The following MAML3 variants were observed in gnomAD, a reference collection of about 807,000 sequenced individuals.
MAML3 encodes mastermind like transcriptional coactivator 3.
MAML3 carries 27 observed loss-of-function variants against 101.9 expected under a neutral mutation model. That is an observed-to-expected ratio of 0.27 (90% CI 0.20 to 0.37). The LOEUF (loss-of-function observed/expected upper bound fraction) is 0.37, where lower values mean the gene tolerates loss of function less well. MAML3 is among the 10% of genes least tolerant of loss of function. The pLI is 1.00. For synonymous variants in MAML3, 501 were observed against 555.9 expected, an observed-to-expected ratio of 0.90 and a Z score of 1.39; for missense variants, 1,316 against 1,444.9, an observed-to-expected ratio of 0.91 and a Z score of 1.45.
chr4:139,944,481 C>A (rs1039595483), intron 1 of MAML3, among the ~76,000 whole-genome samples: 6 of 152,116 alleles, frequency 3.9e-5, no homozygotes, highest in African/African-American at 1.4e-4. Flanking sequence ...TTTCCAATTT[C>A]ATCCATGTCC....
At chr4:139,878,949 A>G (rs1190110971) in intron 2 of MAML3, among the ~76,000 whole-genome samples, 2 of 152,206 alleles carry the variant, frequency 1.3e-5, no homozygotes, top group African/African-American at 2.4e-5. Flanking sequence ...CTGTGCCCTT[A>G]AATCCTGAGA....
intron 2 of MAML3, among the ~76,000 whole-genome samples, chr4:139,752,148 T>C (rs1729522106): frequency 6.6e-6 from 1 of 152,188 alleles, no homozygotes; most frequent in Admixed American, 6.5e-5. Flanking sequence ...CTGTAGGTTC[T>C]CCCTAATAAT....
At chr4:139,758,904 C>T (rs1729703038) in intron 2 of MAML3, among the ~76,000 whole-genome samples, 1 of 152,196 alleles carries the variant, frequency 6.6e-6, no homozygotes, top group South Asian at 2.1e-4. Flanking sequence ...AACCACTGAG[C>T]TGGAAGGGAC....
At chr4:139,966,742 AT>A (rs149754726) in intron 1 of MAML3, among the ~76,000 whole-genome samples, 1 of 152,058 alleles carries the variant, frequency 6.6e-6, no homozygotes, top group Non-Finnish European at 1.5e-5. Context: ...ATTTTAACAA[AT>A]TTTTTTTACA....
intron 1 of MAML3, among the ~76,000 whole-genome samples, chr4:139,949,654 T>A (rs1431660197): frequency 6.6e-6 from 1 of 152,254 alleles, no homozygotes. Flanking sequence ...TATCAAGATA[T>A]GAAACCTAAA....
intron 2 of MAML3, among the ~76,000 whole-genome samples, chr4:139,800,568 A>G (rs978568757): frequency 2.0e-5 from 3 of 152,218 alleles, no homozygotes; most frequent in African/African-American, 4.8e-5. Context: ...GAGAACAGAG[A>G]GCTGCACCTC....
At chr4:140,095,085 G>C (rs1728134254) in intron 1 of MAML3, among the ~76,000 whole-genome samples, 2 of 152,222 alleles carry the variant, frequency 1.3e-5, no homozygotes, top group Admixed American at 6.5e-5. Context: ...GGGCTGCCCT[G>C]ACCCTGCCTC....
intron 2 of MAML3, among the ~76,000 whole-genome samples, chr4:139,840,718 G>A (rs1731346943): frequency 6.6e-6 from 1 of 152,240 alleles, no homozygotes; most frequent in South Asian, 2.1e-4. Flanking sequence ...AAGAAGCTGT[G>A]ACAGGGCGTG....
At position 140,069,414 on chromosome 4, in the gene MAML3, G is replaced by GGGA. The variant is rs1560883595; in HGVS notation, c.468+83445_468+83446insTCC. Among the ~76,000 whole-genome samples, 4 of 64,680 alleles carry GGGA rather than the reference G, an allele frequency of 6.2e-5. 1 individual carries two copies. Among genetic ancestry groups the GGGA allele is most frequent in the African/African-American group, 2.1e-4 (4 of 18,756 alleles). The allele number at this position is 64,680 out of a possible 152,430, so 42.4% of individuals were successfully genotyped here. On this transcript the variant is annotated intron_variant, in intron 1 of 4. Coordinates refer to ENST00000509479, the MANE Select transcript of MAML3 (RefSeq NM_018717.5). ...GGAGGAGGAGGAGGAGGAGGAGGAGGAGGAGGGGAAGGAGGAGAAGGAGGA... is the reference window on the plus strand; with the variant it reads ...GGAGGAGGAGGAGGAGGAGGAGGAGGGGAAGGAGGGGAAGGAGGAGAAGGAGGA...
intron 1 of MAML3, among the ~76,000 whole-genome samples, chr4:140,134,886 C>T (rs1376637340): frequency 1.3e-5 from 2 of 152,246 alleles, no homozygotes; most frequent in African/African-American, 4.8e-5. Flanking sequence ...GCTACAGCCC[C>T]TCCTCATGGA....
chr4:139,872,488 C>T (rs896730768), intron 2 of MAML3, among the ~76,000 whole-genome samples: 3 of 152,110 alleles, frequency 2.0e-5, no homozygotes, highest in Non-Finnish European at 2.9e-5. Flanking sequence ...AGAGCTTTGG[C>T]CCCTGAAATA....
At chr4:139,781,123 G>A (rs1730197031) in intron 2 of MAML3, among the ~76,000 whole-genome samples, 1 of 152,088 alleles carries the variant, frequency 6.6e-6, no homozygotes, top group Non-Finnish European at 1.5e-5. Flanking sequence ...CTTGAATTGT[G>A]TATTATAAAT....
At chr4:140,061,299 T>C (rs1727444347) in intron 1 of MAML3, among the ~76,000 whole-genome samples, 1 of 152,222 alleles carries the variant, frequency 6.6e-6, no homozygotes, top group Non-Finnish European at 1.5e-5. Flanking sequence ...CAAGGAGATT[T>C]ATCAGAGAGA....
At chr4:140,152,798 G>GCCCCCCCCCCCCCCCCCCCCCCC in intron 1 of MAML3, 62 bp downstream of exon 1, 1 of 1,555,828 alleles carries the variant, frequency 6.4e-7, no homozygotes, top group Non-Finnish European at 8.7e-7. Flanking sequence ...AGCTCCACGC[G>GCCCCCCCCCCCCCCCCCCCCCCC]CCCCCCACCA....
intron 1 of MAML3, among the ~76,000 whole-genome samples, chr4:139,995,517 CTTA>C (rs1248581169): frequency 6.6e-6 from 1 of 152,106 alleles, no homozygotes; most frequent in African/African-American, 2.4e-5. Flanking sequence ...GATTTCCTTA[CTTA>C]TTATAGTTCT....
intron 1 of MAML3, among the ~76,000 whole-genome samples, chr4:139,918,196 T>A (rs1432082337): frequency 6.6e-6 from 1 of 152,180 alleles, no homozygotes; most frequent in African/African-American, 2.4e-5. Context: ...CCAGAGTCAC[T>A]GTTGAAAAAC....
intron 1 of MAML3, among the ~76,000 whole-genome samples, chr4:140,109,016 T>C (rs1410778009): frequency 6.6e-6 from 1 of 152,194 alleles, no homozygotes; most frequent in Non-Finnish European, 1.5e-5. Context: ...ACTGCATGGC[T>C]AAATGAGAAC....
At chr4:139,863,992 C>T (rs1049933239) in intron 2 of MAML3, among the ~76,000 whole-genome samples, 1 of 152,126 alleles carries the variant, frequency 6.6e-6, no homozygotes, top group Non-Finnish European at 1.5e-5. Context: ...TTAGTGGGCA[C>T]ATCTTCAGGT....
In MAML3 at chr4:140,000,923, AAGGCTGAGGCAGGAG is replaced by A. The variant is rs1734912582; in HGVS notation, c.469-109971_469-109957del. ...ATGCCTATAATCCCAGCTACTTGGG[AAGGCTGAGGCAGGAG>A]AATCACTTGAACCTGGGAGGTGGAC... On this transcript the variant is annotated intron_variant, in intron 1 of 4. Coordinates refer to ENST00000509479, the MANE Select transcript of MAML3 (RefSeq NM_018717.5). Among the ~76,000 whole-genome samples, 14 of 36,664 alleles carry A rather than the reference AAGGCTGAGGCAGGAG, an allele frequency of 3.8e-4. No individual in the cohort carries two copies. The Admixed American group carries it at 6.6e-3, about 17-fold the overall frequency. 24.1% of individuals were successfully genotyped at this position (36,664 alleles called of 152,430 possible). A position where few individuals can be genotyped will look rare whatever the true frequency, so the allele number is the denominator to read the frequency against.
Sources: allele counts gnomAD v4.1 joint callset (sites outside exome capture counted in the v4.1 genomes callset), GRCh38; gene constraint gnomAD v4.1.1; transcripts MANE v1.5; gene names NCBI Gene and HGNC (gene_info 2026-07-23, HGNC 2026-07-21).